The following STK3 variants were observed in gnomAD, a reference collection of about 807,000 sequenced individuals.
The protein encoded by STK3 is serine/threonine-protein kinase 3.
Under a neutral mutation model 58.0 loss-of-function variants are expected in STK3, and 41 were observed. That is an observed-to-expected ratio of 0.71 (90% CI 0.55 to 0.92). The LOEUF (loss-of-function observed/expected upper bound fraction) is 0.92, where lower values mean the gene tolerates loss of function less well. Among genes scored for constraint, STK3 ranks in the 40% least tolerant of loss-of-function variants. The pLI is 0.00. For synonymous variants in STK3, 170 were observed against 191.0 expected, an observed-to-expected ratio of 0.89 and a Z score of 0.91; for missense variants, 479 against 602.7, an observed-to-expected ratio of 0.79 and a Z score of 2.15.
intron 4 of STK3, among the ~76,000 whole-genome samples, chr8:98,723,565 T>C (rs1000960477): frequency 2.6e-5 from 4 of 152,172 alleles, no homozygotes; most frequent in African/African-American, 9.6e-5. Flanking sequence ...AGTGAGGTTT[T>C]AAGTTCACAC....
At chr8:98,600,995 T>A (rs1043487289) in intron 6 of STK3, among the ~76,000 whole-genome samples, 1 of 152,144 alleles carries the variant, frequency 6.6e-6, no homozygotes, top group Non-Finnish European at 1.5e-5. Flanking sequence ...TGTATAAGTG[T>A]CTTTAAAATT....
At chr8:98,524,147 C>T (rs180744918) in intron 10 of STK3, among the ~76,000 whole-genome samples, 5 of 152,248 alleles carry the variant, frequency 3.3e-5, no homozygotes, top group East Asian at 1.9e-4. Context: ...GCATCCTTGC[C>T]GAAAATCATT....
chr8:98,344,303 T>C, the STK3 span, among the ~76,000 whole-genome samples: 1 of 152,224 alleles, frequency 6.6e-6, no homozygotes, highest in East Asian at 1.9e-4. Flanking sequence ...GCTGCAGTCC[T>C]CCTCACCTGG....
chr8:98,775,321 A>C (rs1831604700), intron 1 of STK3, among the ~76,000 whole-genome samples: 1 of 152,192 alleles, frequency 6.6e-6, no homozygotes, highest in African/African-American at 2.4e-5. Flanking sequence ...CTGTAAGCAC[A>C]TAACACAATT....
At chr8:98,647,439 T>C (rs1820484716) in intron 6 of STK3, among the ~76,000 whole-genome samples, 1 of 152,220 alleles carries the variant, frequency 6.6e-6, no homozygotes, top group Admixed American at 6.5e-5. Context: ...ATCTCTGATA[T>C]ATCCCAAATG....
intron 8 of STK3, among the ~76,000 whole-genome samples, chr8:98,571,537 A>C (rs1365570829): frequency 6.6e-6 from 1 of 152,146 alleles, no homozygotes; most frequent in African/African-American, 2.4e-5. Context: ...GTTTAAAGAG[A>C]ACATGACATT....
Position 98,548,029 on chromosome 8 carries a change from C to T in STK3, c.1081G>A (p.Asp361Asn), listed in dbSNP as rs1408936576. 2 of 1,610,166 alleles carry T rather than the reference C, an allele frequency of 1.2e-6. No individual in the cohort carries two copies. The highest frequency in any genetic ancestry group is 1.7e-6 in the Non-Finnish European group (2 of 1,178,204). ...IEHNSTMLES[D>N]LGTMVINSED... is the part of the protein sequence containing the mutation. ...CTGTTTATCACCATGGTCCCCAAGT[C>T]GGATTCCAACATCGTGCTATTATGT... Residue 361 changes from aspartate (D) to asparagine (N), a missense_variant, in exon 9 of 11, where the codon GAC becomes AAC. Asp to Asn is a conservative substitution (Grantham distance 23). This residue lies in a region of STK3 where 309 missense variants were observed against 355.7 expected (regional missense o/e 0.87). Coordinates refer to ENST00000419617, the MANE Select transcript of STK3 (RefSeq NM_006281.4).
At chr8:98,531,328 A>C (rs72666629) in intron 9 of STK3, among the ~76,000 whole-genome samples, 4,561 of 152,326 alleles carry the variant, frequency 0.03, 104 homozygotes, top group South Asian at 0.06. Flanking sequence ...AACAACATTA[A>C]TTTCCTTGCA....
chr8:98,347,520 A>C, the STK3 span, among the ~76,000 whole-genome samples: 1 of 142,230 alleles, frequency 7.0e-6, no homozygotes, highest in African/African-American at 2.6e-5. Flanking sequence ...GTCTCAAAAA[A>C]AAACAAAAAA....
At chr8:98,705,295 C>T (rs1278158787) in intron 6 of STK3, among the ~76,000 whole-genome samples, 1 of 151,972 alleles carries the variant, frequency 6.6e-6, no homozygotes, top group Non-Finnish European at 1.5e-5. Context: ...TACCTATAGT[C>T]CCAGCTACTC....
At chr8:98,556,283 T>C (rs1811579611) in intron 8 of STK3, among the ~76,000 whole-genome samples, 1 of 151,922 alleles carries the variant, frequency 6.6e-6, no homozygotes, top group South Asian at 2.1e-4. Context: ...TAGAAACAAA[T>C]ACAAATCCAT....
intron 4 of STK3, chr8:98,720,937 TAAA>T: frequency 4.3e-6 from 1 of 231,046 alleles, no homozygotes; most frequent in Non-Finnish European, 7.1e-6. Flanking sequence ...AAATAGGCAG[TAAA>T]AAAAAATCAT....
At chr8:98,599,860 A>G (rs1412410437) in intron 6 of STK3, among the ~76,000 whole-genome samples, 1 of 152,078 alleles carries the variant, frequency 6.6e-6, no homozygotes, top group Admixed American at 6.6e-5. Flanking sequence ...AATCCCAGCT[A>G]CTAGGGTGGC....
chr8:98,715,059 T>C (rs1273086047), intron 4 of STK3, among the ~76,000 whole-genome samples: 4 of 152,172 alleles, frequency 2.6e-5, no homozygotes, highest in African/African-American at 4.8e-5. Context: ...TAAATGGTGC[T>C]GGGAAAACTG....
intron 6 of STK3, among the ~76,000 whole-genome samples, chr8:98,646,510 GACTT>G (rs1310127780): frequency 6.6e-6 from 1 of 152,142 alleles, no homozygotes; most frequent in Admixed American, 6.6e-5. Flanking sequence ...CTTCAGATGT[GACTT>G]ACTTAGTACA....
intron 1 of STK3, among the ~76,000 whole-genome samples, chr8:98,909,873 T>A (rs910450231): frequency 1.3e-5 from 2 of 152,248 alleles, no homozygotes; most frequent in African/African-American, 2.4e-5. Flanking sequence ...GGCATATACC[T>A]GGAGTAGAAT....
intron 4 of STK3, among the ~76,000 whole-genome samples, chr8:98,711,171 C>A (rs554308724): frequency 3.3e-5 from 5 of 152,132 alleles, no homozygotes; most frequent in African/African-American, 1.2e-4. Context: ...TAGATAAAAC[C>A]ACAAAGATGC....
chr8:98,394,959 T>C (rs969400062), intron 3 of STK3, among the ~76,000 whole-genome samples: 6 of 152,310 alleles, frequency 3.9e-5, no homozygotes, highest in African/African-American at 1.4e-4. Flanking sequence ...AATGTTTGTT[T>C]AGAACCCTCC....
intron 2 of STK3, chr8:98,434,344 T>C (rs918277004): frequency 1.3e-5 from 2 of 152,230 alleles, no homozygotes; most frequent in Non-Finnish European, 2.9e-5. Flanking sequence ...AAATGGATAT[T>C]CAGGGGGTAT....
Sources: allele counts gnomAD v4.1 joint callset (sites outside exome capture counted in the v4.1 genomes callset), GRCh38; gene constraint gnomAD v4.1.1; regional missense constraint gnomAD v4.1.1; transcripts MANE v1.5; gene names NCBI Gene and HGNC (gene_info 2026-07-23, HGNC 2026-07-21).